Variants in ANKHD1 observed in about 807,000 individuals in gnomAD.
ANKHD1 encodes the protein ankyrin repeat and KH domain containing 1.
Under a neutral mutation model 230.5 loss-of-function variants are expected in ANKHD1, and 31 were observed. The observed-to-expected ratio is 0.13, with a 90% confidence interval of 0.10 to 0.18. The LOEUF is 0.18. Ranked by LOEUF, ANKHD1 falls within the 10% of genes least tolerant of loss-of-function variation. The pLI, the probability that ANKHD1 is intolerant of heterozygous loss-of-function variation, is 1.00. For missense variants in ANKHD1, 2,256 were observed against 3,071.3 expected (o/e 0.73, Z 6.27); for synonymous variants, 1,074 against 1,117.6 (o/e 0.96, Z 0.78).
chr5:140,419,778 CTTTCTT>C (rs1350126293), intron 1 of ANKHD1, among the ~76,000 whole-genome samples: 1 of 13,680 alleles, frequency 7.3e-5, no homozygotes, highest in Non-Finnish European at 1.6e-4. Context: ...CTTTCTTTTT[CTTTCTT>C]TCTTTCTTTC....
intron 15 of ANKHD1, among the ~76,000 whole-genome samples, chr5:140,501,503 A>C (rs1752302187): frequency 6.6e-6 from 1 of 152,088 alleles, no homozygotes; most frequent in South Asian, 2.1e-4. Context: ...TCTAACCAGC[A>C]CTTTGGGAGG....
At chr5:140,436,026 C>T (rs779016558) in intron 1 of ANKHD1, 78 bp from the exon 2 acceptor site, 120 of 1,335,950 alleles carry the variant, frequency 9.0e-5, no homozygotes, top group Middle Eastern at 2.2e-4. Context: ...ATTAAGAAGT[C>T]ATATTACCTT....
At chr5:140,519,404 T>C (rs1753210213) in intron 24 of ANKHD1, among the ~76,000 whole-genome samples, 1 of 152,208 alleles carries the variant, frequency 6.6e-6, no homozygotes, top group African/African-American at 2.4e-5. Context: ...CCAATGACTT[T>C]CTTCACAGAA....
chr5:140,447,721 G>T (rs1433406050), intron 6 of ANKHD1, among the ~76,000 whole-genome samples: 2 of 152,122 alleles, frequency 1.3e-5, no homozygotes, highest in East Asian at 3.8e-4. Context: ...CTAGTATGTG[G>T]TTTGTATCCA....
rs771549991 is a variant in ANKHD1 at position 140,535,500 on chromosome 5, A to G, written c.6989A>G (p.His2330Arg). 4 of 1,611,898 alleles carry G rather than the reference A, an allele frequency of 2.5e-6. No homozygotes were observed. The highest frequency in any genetic ancestry group is 3.4e-6 in the Non-Finnish European group (4 of 1,179,278). The change falls in exon 30 of 34, where the codon CAT becomes CGT. Residue 2330 changes from histidine to arginine, a missense_variant. By Grantham distance (29) the His-to-Arg change is conservative. Transcript: ENST00000360839. ...PVGTPSFNRQ[H>R]FSPHPWTSAS... ...GGGACTCCTAGTTTCAACAGACAAC[A>G]TTTTTCTCCCCATCCTTGGACAAGC...
chr5:140,430,545 A>C (rs1772952174), intron 1 of ANKHD1, among the ~76,000 whole-genome samples: 2 of 152,102 alleles, frequency 1.3e-5, no homozygotes, highest in African/African-American at 4.8e-5. Flanking sequence ...TTATATATAG[A>C]CATGGTTTCT....
Position 140,438,419 on chromosome 5 carries a change from T to TTTG in ANKHD1, c.461-36_461-34dup, listed in dbSNP as rs777185546. 7 of 1,481,414 alleles carry TTTG rather than the reference T, an allele frequency of 4.7e-6. No individual in the cohort carries two copies. In the Admixed American group the frequency reaches 1.7e-4, roughly 35 times the overall value. 91.8% of individuals were successfully genotyped at this position (1,481,414 alleles called of 1,614,324 possible). On this transcript the variant is annotated intron_variant, in intron 2 of 33. Coordinates refer to ENST00000360839, the MANE Select transcript of ANKHD1 (RefSeq NM_017747.3). ...CAATTTGCACTTTTATACTTTTTTT[T>TTTG]TTGTTGTTCTGCACTACCTGATTGA... is the stretch of plus-strand genomic sequence containing the variant.
Position 140,485,279 on chromosome 5 carries a change from G to T in ANKHD1, c.1998+31G>T, listed in dbSNP as rs1291870836. On this transcript the variant is annotated intron_variant, in intron 12 of 33. Transcript: ENST00000360839. The surrounding 1 kb of genome is among the most constrained non-coding windows in gnomAD (Gnocchi z 4.8). Reference sequence around the variant, plus strand: ...CTACTTAAAAATAAGTAAACAGGCTGTGTGCGGTGGCTCATGTCTATGATC... The same window carrying T: ...CTACTTAAAAATAAGTAAACAGGCTTTGTGCGGTGGCTCATGTCTATGATC... 1 of 1,592,918 alleles carries T rather than the reference G, an allele frequency of 6.3e-7. No individual in the cohort carries two copies. The highest frequency in any genetic ancestry group is 1.3e-5 in the African/African-American group (1 of 74,500).
chr5:140,465,015 C>T lies in ANKHD1; in HGVS notation c.1782+239C>T, dbSNP rs1004663543. 1.2e-5 allele frequency: 3 copies of T among 249,308 alleles called. No homozygotes were observed. In the South Asian group the frequency reaches 3.4e-4, roughly 28 times the overall value. 15.4% of individuals were successfully genotyped at this position (249,308 alleles called of 1,614,324 possible). ...ACTAGTTTGTTTCTTCCTTTCACTC[C>T]ACCCCCATTTGACATTCCTGTGCTT... is the stretch of plus-strand genomic sequence containing the variant. On this transcript the variant is annotated intron_variant, in intron 10 of 33. Coordinates refer to ENST00000360839, the MANE Select transcript of ANKHD1 (RefSeq NM_017747.3).
chr5:140,407,394 G>A (rs962040170), intron 1 of ANKHD1, among the ~76,000 whole-genome samples: 1 of 151,584 alleles, frequency 6.6e-6, no homozygotes, highest in Non-Finnish European at 1.5e-5. Flanking sequence ...ACCACACCCA[G>A]CCTATTTTTA....
chr5:140,539,268 A>G, intron 33 of ANKHD1, 91 bp from the exon 34 acceptor site: 1 of 1,593,112 alleles, frequency 6.3e-7, no homozygotes, highest in Non-Finnish European at 8.6e-7. Context: ...CCTAGGCAGA[A>G]ACAGTGAATT....
rs1185163806 is a variant in ANKHD1 at position 140,506,831 on chromosome 5, G to T, written c.3409-4G>T. The T allele has an allele frequency of 3.7e-6, 6 of 1,613,804 alleles. No homozygotes were observed. The highest frequency in any genetic ancestry group is 5.1e-6 in the Non-Finnish European group (6 of 1,179,962). On this transcript the variant is annotated splice_polypyrimidine_tract_variant and splice_region_variant and intron_variant, in intron 18 of 33. Transcript: ENST00000360839. This position sits in a 1 kb window ranked among gnomAD's most constrained non-coding sequence, Gnocchi z 4.7. ...CTCTTCTCTATCCATATTTTACTTT[G>T]TAGGTGGTAGACTTGCTGCTGGCTC...
chr5:140,458,553 T>C, intron 7 of ANKHD1, 72 bp from the exon 8 acceptor site: 1 of 1,498,582 alleles, frequency 6.7e-7, no homozygotes, highest in Non-Finnish European at 9.0e-7. Context: ...TCTTGCTTTC[T>C]TCTCTCCCAC....
chr5:140,482,665 A>C lies in ANKHD1; in HGVS notation c.1868A>C (p.Lys623Thr), dbSNP rs756420754. The change falls in exon 11 of 34, where the codon AAA becomes ACA. Residue 623 changes from lysine to threonine, a missense_variant and splice_region_variant. This residue lies in a region of ANKHD1 where 179 missense variants were observed against 261.8 expected (regional missense o/e 0.68). Coordinates refer to ENST00000360839, the MANE Select transcript of ANKHD1 (RefSeq NM_017747.3). ...TGCACTGTGCAGTTTCTTATTAGCA[A>C]AGGTAAAGAAAGGGCAAGTGATCAT... ...HLCTVQFLIS[K>T]GANVNRATAN... is the part of the protein sequence containing the mutation. 1 of 1,611,260 alleles carries C rather than the reference A, an allele frequency of 6.2e-7. No homozygotes were observed. The highest frequency in any genetic ancestry group is 8.5e-7 in the Non-Finnish European group (1 of 1,179,110).
intron 25 of ANKHD1, among the ~76,000 whole-genome samples, chr5:140,524,697 A>G (rs755812686): frequency 6.6e-6 from 1 of 152,216 alleles, no homozygotes; most frequent in Admixed American, 6.5e-5. Context: ...CAGTGCTTGT[A>G]GTAGGCAAAT....
chr5:140,494,827 G>A (rs1431275653), intron 14 of ANKHD1, among the ~76,000 whole-genome samples: 1 of 152,056 alleles, frequency 6.6e-6, no homozygotes, highest in Non-Finnish European at 1.5e-5. Flanking sequence ...ATTCATATAT[G>A]TTGACTGCAA....
At chr5:140,510,309 C>CTTTTTTTTTTTTTTTTTTT (rs34693244) in intron 22 of ANKHD1, 128 bp downstream of exon 22, 1 of 500,746 alleles carries the variant, frequency 2.0e-6, no homozygotes, top group Non-Finnish European at 2.7e-6. Context: ...TCTTTCCATT[C>CTTTTTTTTTTTTTTTTTTT]TTTTTTTTTT....
intron 29 of ANKHD1, 105 bp downstream of exon 29, chr5:140,529,901 G>A (rs1753739071): frequency 6.8e-7 from 1 of 1,466,044 alleles, no homozygotes; most frequent in Non-Finnish European, 9.1e-7. Context: ...CACATATAAT[G>A]AGCTGCTTTA....
intron 14 of ANKHD1, among the ~76,000 whole-genome samples, chr5:140,488,322 C>T (rs1207704169): frequency 1.3e-5 from 2 of 152,124 alleles, no homozygotes; most frequent in African/African-American, 4.8e-5. Flanking sequence ...TGGTGGCTCA[C>T]GCCTGTAATC....
Sources: gnomAD v4.1 joint callset for allele counts (sites outside exome capture counted in the v4.1 genomes callset) on GRCh38, gnomAD v4.1.1 for gene constraint, gnomAD v4.1.1 regional missense constraint, Gnocchi (gnomAD v3.1) non-coding constraint, MANE v1.5 for transcripts, NCBI Gene and HGNC (gene_info 2026-07-23, HGNC 2026-07-21) for gene names.